TACC2: variants seen among roughly 807,000 people sequenced by gnomAD.
TACC2 encodes transforming acidic coiled-coil containing protein 2.
TACC2 carries 137 observed loss-of-function variants against 227.3 expected under a neutral mutation model. That is an observed-to-expected ratio of 0.60 (90% confidence interval 0.52 to 0.69). The LOEUF (loss-of-function observed/expected upper bound fraction) is 0.69, where lower values mean the gene tolerates loss of function less well. TACC2 is among the 30% of genes least tolerant of loss of function. TACC2 has a pLI of 0.00. For missense variants in TACC2, 3,470 were observed against 3,694.4 expected (o/e 0.94, Z 1.57); for synonymous variants, 1,523 against 1,487.5 (o/e 1.02, Z -0.55).
At chr10:122,244,813 C>T (rs2096074087) in intron 19 of TACC2, among the ~76,000 whole-genome samples, 1 of 152,156 alleles carries the variant, frequency 6.6e-6, no homozygotes, top group African/African-American at 2.4e-5. Flanking sequence ...ATTCAGCTTT[C>T]ACAGATGCTC....
chr10:122,108,016 C>T lies in TACC2; in HGVS notation c.5573+19425C>T, dbSNP rs576340360. Among the ~76,000 whole-genome samples the T allele has an allele frequency of 1.3e-4, 20 of 150,998 alleles. No homozygotes were observed. In the South Asian group the frequency reaches 1.7e-3, roughly 13 times the overall value. The stretch of plus-strand genomic sequence containing the variant: ...ACGCCATTCTCCCTCCTCAGCCTCC[C>T]GAGTAGCTGGGACTACAGGCACCCA... On this transcript the variant is annotated intron_variant, in intron 5 of 22. Coordinates refer to ENST00000369005, the MANE Select transcript of TACC2 (RefSeq NM_206862.4).
chr10:122,017,156 C>T (rs1956757337), intron 1 of TACC2, among the ~76,000 whole-genome samples: 1 of 152,186 alleles, frequency 6.6e-6, no homozygotes, highest in Non-Finnish European at 1.5e-5. Context: ...CCTCTCTGCT[C>T]AGAGCATTCG....
chr10:122,018,574 A>G (rs557387540), intron 1 of TACC2, among the ~76,000 whole-genome samples: 4 of 152,106 alleles, frequency 2.6e-5, no homozygotes, highest in African/African-American at 9.7e-5. Context: ...GACAACAACC[A>G]GTCTGGTTTC....
At chr10:121,997,247 A>G (rs544567293) in intron 1 of TACC2, among the ~76,000 whole-genome samples, 8 of 152,292 alleles carry the variant, frequency 5.3e-5, no homozygotes, top group African/African-American at 1.9e-4. Context: ...TCTGGGCTGC[A>G]GCAACTTCTC....
At chr10:122,183,233 A>C (rs1387996261) in intron 7 of TACC2, among the ~76,000 whole-genome samples, 4 of 151,566 alleles carry the variant, frequency 2.6e-5, no homozygotes, top group South Asian at 4.2e-4. Context: ...AACAAAAAAA[A>C]CAACAGGGGG....
chr10:122,121,256 C>T lies in TACC2; in HGVS notation c.5574-11353C>T, dbSNP rs143848677. Among the ~76,000 whole-genome samples, 1,405 of 152,338 alleles carry T rather than the reference C, an allele frequency of 9.2e-3. 11 individuals are homozygous for T. The highest frequency in any genetic ancestry group is 0.015 in the Non-Finnish European group (1,037 of 68,038). ...CATCCTGTAGTGTTTGTCTTAATGA[C>T]GCCAGCATTTGTGGAGCACTTTGCG... On this transcript the variant is annotated intron_variant, in intron 5 of 22. Transcript: ENST00000369005.
intron 3 of TACC2, among the ~76,000 whole-genome samples, chr10:122,073,126 A>AAAAAAAAAT (rs1383487943): frequency 5.6e-5 from 4 of 71,000 alleles, no homozygotes; most frequent in South Asian, 5.4e-4. Context: ...AAAAAAAAAA[A>AAAAAAAAAT]ATATATATAT....
intron 3 of TACC2, among the ~76,000 whole-genome samples, chr10:122,054,154 A>G (rs1395702623): frequency 6.6e-6 from 1 of 152,204 alleles, no homozygotes; most frequent in East Asian, 1.9e-4. Context: ...ACTCATCCCC[A>G]AAGTTCTTCA....
chr10:122,121,586 C>T (rs4752649), intron 5 of TACC2, among the ~76,000 whole-genome samples: 101,651 of 152,132 alleles, frequency 0.67, 37,604 homozygotes, highest in South Asian at 0.82. Flanking sequence ...TAAAAAATGT[C>T]TGGGACTTTA....
At chr10:122,162,567 C>T (rs1214838073) in intron 7 of TACC2, among the ~76,000 whole-genome samples, 1 of 152,108 alleles carries the variant, frequency 6.6e-6, no homozygotes, top group Non-Finnish European at 1.5e-5. Context: ...TGGTGGGGTT[C>T]CCAGGTGTGC....
At position 122,084,128 on chromosome 10, in the gene TACC2, C is replaced by T. The variant is rs1178325419; in HGVS notation, c.1628C>T (p.Ala543Val). 50 of 1,613,978 alleles carry T rather than the reference C, an allele frequency of 3.1e-5. No homozygotes were observed. Among genetic ancestry groups the T allele is most frequent in the Non-Finnish European group, 3.9e-5 (46 of 1,180,036 alleles). The change falls in exon 4 of 23, where the codon GCC becomes GTC. Residue 543 changes from alanine (A) to valine (V), a missense_variant. By Grantham distance (64) the Ala-to-Val change is moderately conservative. Transcript: ENST00000369005. ...CTTCCCAAGGCACCAAGTGAAAGTG[C>T]CAGAGGGCCACCGGGGCCAACGGAT... is the stretch of plus-strand genomic sequence containing the variant. ...PPLPKAPSES[A>V]RGPPGPTDGA...
chr10:122,028,078 TTCTTTC>T (rs1287790837), intron 2 of TACC2, among the ~76,000 whole-genome samples: 2 of 125,854 alleles, frequency 1.6e-5, no homozygotes, highest in Non-Finnish European at 1.6e-5. Context: ...TTTTCTTTCT[TTCTTTC>T]TTTTTTTTTT....
At chr10:122,076,742 C>T (rs1320710576) in intron 3 of TACC2, among the ~76,000 whole-genome samples, 3 of 151,546 alleles carry the variant, frequency 2.0e-5, no homozygotes. Context: ...CTTTTCTGGG[C>T]CTCAGTTTCC....
At chr10:122,134,746 C>T (rs1358285257) in intron 6 of TACC2, among the ~76,000 whole-genome samples, 1 of 152,218 alleles carries the variant, frequency 6.6e-6, no homozygotes, top group African/African-American at 2.4e-5. Context: ...CGAGATCACT[C>T]TCACCCGATG....
intron 2 of TACC2, among the ~76,000 whole-genome samples, chr10:122,036,299 T>A (rs1960330693): frequency 1.3e-5 from 2 of 151,366 alleles, no homozygotes; most frequent in Admixed American, 1.3e-4. Flanking sequence ...TTCACGCCAT[T>A]CTCCTGCCTC....
At position 122,085,818 on chromosome 10, in the gene TACC2, G is replaced by A. The variant is rs143465172; in HGVS notation, c.3318G>A (p.Ser1106=). 31 of 1,612,872 alleles carry A rather than the reference G, an allele frequency of 1.9e-5. No homozygotes were observed. In the African/African-American group the frequency reaches 2.3e-4, roughly 12 times the overall value. Residue 1106 remains serine (S), a synonymous_variant, in exon 4 of 23, where the codon TCG becomes TCA. Transcript: ENST00000369005. ...AGAAAATGGAGTGCTGGGCCACTTC[G>A]GATGCAGAGTCCCCAAAGCTTCTTG... ...PQQKMECWAT[S]DAESPKLLAS...
intron 3 of TACC2, among the ~76,000 whole-genome samples, chr10:122,056,166 G>A (rs1292238797): frequency 2.6e-5 from 4 of 152,084 alleles, no homozygotes; most frequent in African/African-American, 9.7e-5. Flanking sequence ...CTGTGAAGGG[G>A]CATTTCTTTT....
Position 122,211,123 on chromosome 10 carries a change from C to T in TACC2, c.6698C>T (p.Thr2233Met), listed in dbSNP as rs778850142. The change falls in exon 9 of 23, where the codon ACG becomes ATG. Residue 2233 changes from threonine to methionine, a missense_variant. Physicochemically the swap from Thr to Met is moderately conservative, Grantham distance 81 (BLOSUM62 -1). Around this residue, in one of 10 missense-constraint regions of TACC2, gnomAD observed 593 missense variants for 636.6 expected, o/e 0.93. Transcript: ENST00000369005. The stretch of plus-strand genomic sequence containing the variant: ...AACTCACCCCCTGTCGGGAGGAAAA[C>T]GCTGCCTCTTACCACGGCCCCGGAG... ...VQNSPPVGRKTLPLTTAPEAG... is the reference protein window; with the variant it reads ...VQNSPPVGRKMLPLTTAPEAG... The T allele has an allele frequency of 6.9e-5, 111 of 1,609,510 alleles. No homozygotes were observed. The highest frequency in any genetic ancestry group is 6.6e-4 in the Admixed American group (39 of 59,156).
At chr10:122,026,689 T>A (rs1373296036) in intron 2 of TACC2, among the ~76,000 whole-genome samples, 2 of 152,146 alleles carry the variant, frequency 1.3e-5, no homozygotes, top group African/African-American at 4.8e-5. Context: ...CTACAGGGTT[T>A]TTGCCTTTTC....
Sources: allele counts gnomAD v4.1 joint callset (sites outside exome capture counted in the v4.1 genomes callset), GRCh38; gene constraint gnomAD v4.1.1; regional missense constraint gnomAD v4.1.1; transcripts MANE v1.5; gene names NCBI Gene and HGNC (gene_info 2026-07-23, HGNC 2026-07-21).